The following CLYBL variants were observed in gnomAD, a reference collection of about 807,000 sequenced individuals.
CLYBL encodes citramalyl-CoA lyase, mitochondrial.
A neutral mutation model predicts 38.9 loss-of-function variants in CLYBL; 31 were observed. That is an observed-to-expected ratio of 0.80 (90% confidence interval 0.60 to 1.08). The LOEUF (loss-of-function observed/expected upper bound fraction) is 1.08, where lower values mean the gene tolerates loss of function less well. CLYBL is among the 50% of genes least tolerant of loss of function. The probability of loss-of-function intolerance (pLI) is 0.00; values close to 1 mark genes in which losing one functional copy is unlikely to be tolerated. For synonymous variants in CLYBL, 171 were observed against 158.6 expected (o/e 1.08, Z -0.59); for missense variants, 434 against 411.6 (o/e 1.05, Z -0.47).
chr13:99,725,686 A>G (rs1429384796), intron 1 of CLYBL, among the ~76,000 whole-genome samples: 1 of 152,188 alleles, frequency 6.6e-6, no homozygotes, highest in Non-Finnish European at 1.5e-5. Context: ...AATGTACGTA[A>G]TGTTTATTTA....
intron 1 of CLYBL, among the ~76,000 whole-genome samples, chr13:99,720,821 T>G (rs1438492831): frequency 6.6e-6 from 1 of 152,226 alleles, no homozygotes; most frequent in Non-Finnish European, 1.5e-5. Context: ...GATTTGTGAT[T>G]GTTTATCTGG....
At chr13:99,723,489 C>G (rs183192815) in intron 1 of CLYBL, among the ~76,000 whole-genome samples, 2 of 152,072 alleles carry the variant, frequency 1.3e-5, no homozygotes, top group African/African-American at 4.8e-5. Flanking sequence ...CTCTTAAAGC[C>G]AAAATGTTGG....
At chr13:99,898,197 G>T (rs142437155), downstream of CLYBL, among the ~76,000 whole-genome samples, 78 of 152,292 alleles carry the variant, frequency 5.1e-4, no homozygotes, top group East Asian at 0.015. Context: ...AGCTGGTTTG[G>T]CTGGGTTCTG....
chr13:99,644,477 G>T (rs988118473), intron 1 of CLYBL, among the ~76,000 whole-genome samples: 6 of 152,106 alleles, frequency 3.9e-5, no homozygotes, highest in African/African-American at 1.4e-4. Context: ...GGGTATCTCT[G>T]ACCTCAAGCA....
chr13:99,784,838 C>T (rs2049750087), intron 2 of CLYBL, among the ~76,000 whole-genome samples: 1 of 152,118 alleles, frequency 6.6e-6, no homozygotes, highest in South Asian at 2.1e-4. Context: ...AGTAGGATAG[C>T]ACTTCAGAGA....
chr13:99,738,604 G>A (rs2048703083), intron 1 of CLYBL, among the ~76,000 whole-genome samples: 1 of 152,190 alleles, frequency 6.6e-6, no homozygotes, highest in South Asian at 2.1e-4. Context: ...ATAAGCTTGT[G>A]TCAGTGTCAA....
intron 1 of CLYBL, among the ~76,000 whole-genome samples, chr13:99,767,972 C>A (rs148575433): frequency 6.6e-6 from 1 of 152,006 alleles, no homozygotes; most frequent in Non-Finnish European, 1.5e-5. Flanking sequence ...CTTCCTTTGA[C>A]TGGGCCATAT....
chr13:99,867,217 G>T (rs1332322544), intron 6 of CLYBL, among the ~76,000 whole-genome samples: 1 of 152,186 alleles, frequency 6.6e-6, no homozygotes, highest in Non-Finnish European at 1.5e-5. Flanking sequence ...GTTGTTGAAA[G>T]TTCTAAGAAT....
chr13:99,860,669 G>T (rs1373390990), intron 3 of CLYBL, among the ~76,000 whole-genome samples: 2 of 152,182 alleles, frequency 1.3e-5, no homozygotes, highest in Non-Finnish European at 2.9e-5. Flanking sequence ...TATGGCTTCT[G>T]TTCACTGTTT....
At chr13:99,670,388 T>C (rs2047547917) in intron 1 of CLYBL, among the ~76,000 whole-genome samples, 2 of 152,138 alleles carry the variant, frequency 1.3e-5, no homozygotes, top group Admixed American at 6.5e-5. Flanking sequence ...AAAATTAAAT[T>C]TAAGAAGTTC....
intron 1 of CLYBL, among the ~76,000 whole-genome samples, chr13:99,664,998 C>G (rs1175581318): frequency 6.6e-6 from 1 of 151,720 alleles, no homozygotes; most frequent in Non-Finnish European, 1.5e-5. Context: ...AATATTATAG[C>G]AGAAGAATGT....
intron 1 of CLYBL, among the ~76,000 whole-genome samples, chr13:99,619,645 C>T (rs1189714554): frequency 6.6e-6 from 1 of 152,134 alleles, no homozygotes. Flanking sequence ...CAGGAAGCTC[C>T]TGGATAGATA....
At chr13:99,766,983 G>C (rs780727207) in intron 1 of CLYBL, among the ~76,000 whole-genome samples, 1 of 152,224 alleles carries the variant, frequency 6.6e-6, no homozygotes, top group Non-Finnish European at 1.5e-5. Context: ...CTTTGCCTCT[G>C]TCTGTCCTCA....
intron 2 of CLYBL, among the ~76,000 whole-genome samples, chr13:99,850,357 T>C (rs1389476580): frequency 6.6e-6 from 1 of 152,166 alleles, no homozygotes; most frequent in Non-Finnish European, 1.5e-5. Flanking sequence ...GGGACTTGAA[T>C]AGACATTATC....
intron 2 of CLYBL, among the ~76,000 whole-genome samples, chr13:99,834,432 C>G (rs1338266163): frequency 6.6e-6 from 1 of 152,166 alleles, no homozygotes; most frequent in African/African-American, 2.4e-5. Flanking sequence ...CCCAGGTGGC[C>G]TGCAGGAGCC....
At chr13:99,885,233 G>A in intron 7 of CLYBL, 1 of 376,116 alleles carries the variant, frequency 2.7e-6, no homozygotes, top group Non-Finnish European at 5.3e-6. Context: ...GGGTGGAGAG[G>A]GATTTGCTCT....
At chr13:99,637,962 CTTTTTTT>C (rs34513643) in intron 1 of CLYBL, among the ~76,000 whole-genome samples, 1 of 94,998 alleles carries the variant, frequency 1.1e-5, no homozygotes, top group East Asian at 4.2e-4. Flanking sequence ...TCAACAGTGC[CTTTTTTT>C]TTTTTTTTTT....
chr13:99,749,856 A>T (rs1188658831), intron 1 of CLYBL, among the ~76,000 whole-genome samples: 4 of 152,342 alleles, frequency 2.6e-5, no homozygotes, highest in Non-Finnish European at 1.5e-5. Flanking sequence ...ACCAAAAAAA[A>T]ATAGTTCTTC....
chr13:99,659,241 C>T lies in CLYBL; in HGVS notation c.62+52484C>T, dbSNP rs181893435. Reference sequence around the variant, plus strand: ...GTATATATATATATGTATATATATGCGTGTGTGTGTGTATTTCTCCTCTAA... The same window carrying T: ...GTATATATATATATGTATATATATGTGTGTGTGTGTGTATTTCTCCTCTAA... On this transcript the variant is annotated intron_variant, in intron 1 of 8. Transcript: ENST00000339105. Among the ~76,000 whole-genome samples, 43 of 151,286 alleles carry T rather than the reference C, an allele frequency of 2.8e-4. No individual in the cohort carries two copies. The East Asian group carries it at 8.2e-3, about 29-fold the overall frequency.
Sources: allele counts gnomAD v4.1 joint callset (sites outside exome capture counted in the v4.1 genomes callset), GRCh38; gene constraint gnomAD v4.1.1; transcripts MANE v1.5; gene names NCBI Gene and HGNC (gene_info 2026-07-23, HGNC 2026-07-21).